Variants in AMDHD1 observed in about 807,000 individuals in gnomAD.
AMDHD1 encodes probable imidazolonepropionase.
AMDHD1 carries 45 observed loss-of-function variants against 44.1 expected under a neutral mutation model. The ratio of observed to expected loss-of-function variants is 1.02; its 90% CI spans 0.80 to 1.31. AMDHD1 has a LOEUF of 1.31. AMDHD1 is among the 50% of genes most tolerant of loss of function. The probability of loss-of-function intolerance (pLI) is 0.00; values close to 1 mark genes in which losing one functional copy is unlikely to be tolerated. For missense variants in AMDHD1, 586 were observed against 552.1 expected (o/e 1.06, Z -0.61); for synonymous variants, 206 against 205.0 (o/e 1.00, Z -0.04).
At chr12:95,962,296 C>G in intron 5 of AMDHD1, 59 bp from the exon 6 acceptor site, 1 of 1,569,036 alleles carries the variant, frequency 6.4e-7, no homozygotes. Context: ...TTTAATGGAA[C>G]TTCATGGATT....
chr12:95,943,613 G>C, intron 1 of AMDHD1, 78 bp downstream of exon 1: 1 of 1,368,826 alleles, frequency 7.3e-7, no homozygotes, highest in Non-Finnish European at 9.4e-7. Flanking sequence ...CACTCTGGAG[G>C]GAAACAACGC....
chr12:95,967,767 T>C lies in AMDHD1; in HGVS notation c.1205T>C (p.Leu402Ser). The C allele has an allele frequency of 6.3e-7, 1 of 1,578,690 alleles. No individual in the cohort carries two copies. Among genetic ancestry groups the C allele is most frequent in the Non-Finnish European group, 8.6e-7 (1 of 1,167,168 alleles). Residue 402 changes from leucine (L) to serine (S), a missense_variant, in exon 9 of 9, where the codon TTG (leucine) becomes TCG (serine). Physicochemically the swap from Leu to Ser is moderately radical, Grantham distance 145. Coordinates refer to ENST00000266736, the MANE Select transcript of AMDHD1 (RefSeq NM_152435.3). ...IIINSSRWEH[L>S]IYQFGGHHEL... ...TTTTTTTTTTCTAGATGGGAGCATTTGATTTACCAGTTCGGAGGCCATCAT... is the reference window on the plus strand; with the variant it reads ...TTTTTTTTTTCTAGATGGGAGCATTCGATTTACCAGTTCGGAGGCCATCAT...
intron 3 of AMDHD1, among the ~76,000 whole-genome samples, chr12:95,955,233 A>G (rs2080544326): frequency 6.6e-6 from 1 of 152,190 alleles, no homozygotes; most frequent in African/African-American, 2.4e-5. Flanking sequence ...CCAAATCGCT[A>G]TCTCTAGTAG....
At position 95,968,623 on chromosome 12, in the gene AMDHD1, G is replaced by A. The variant is rs2080624221; in HGVS notation, c.*780G>A. On this transcript the variant is annotated 3_prime_UTR_variant, in exon 9 of 9. Transcript: ENST00000266736. ...GTTGTTTCCTTTCAGCCTGGAAGTA[G>A]ATCAGCAGCGTTGTCTATTAGAGTT... is the stretch of plus-strand genomic sequence containing the variant. The A allele has an allele frequency of 6.6e-6, 1 of 152,220 alleles. No individual in the cohort carries two copies. Among genetic ancestry groups the A allele is most frequent in the African/African-American group, 2.4e-5 (1 of 41,458 alleles). 9.4% of individuals were successfully genotyped at this position (152,220 alleles called of 1,614,324 possible). A position where few individuals can be genotyped will look rare whatever the true frequency, so the allele number is the denominator to read the frequency against.
intron 7 of AMDHD1, 114 bp downstream of exon 7, chr12:95,965,893 T>G: frequency 1.3e-6 from 1 of 776,220 alleles, no homozygotes; most frequent in East Asian, 3.0e-5. Context: ...AATATTTTTC[T>G]GTGAAACAAG....
At chr12:95,964,738 C>T (rs1016265857) in intron 6 of AMDHD1, among the ~76,000 whole-genome samples, 2 of 151,908 alleles carry the variant, frequency 1.3e-5, no homozygotes, top group Non-Finnish European at 1.5e-5. Flanking sequence ...TAAATCTGTC[C>T]TCATTGCTTT....
At chr12:95,953,525 T>C (rs2080534478) in intron 2 of AMDHD1, among the ~76,000 whole-genome samples, 1 of 152,052 alleles carries the variant, frequency 6.6e-6, no homozygotes, top group South Asian at 2.1e-4. Flanking sequence ...TATATAAAAT[T>C]TTTATACTTT....
At chr12:95,963,060 A>G (rs1788243464) in intron 6 of AMDHD1, among the ~76,000 whole-genome samples, 1 of 152,202 alleles carries the variant, frequency 6.6e-6, no homozygotes, top group South Asian at 2.1e-4. Flanking sequence ...GATTCTAACC[A>G]ATATGAGATC....
rs2080619515 is a variant in AMDHD1, at chr12:95,967,793, G to A, written c.1231G>A (p.Glu411Lys). 6.4e-7 allele frequency: 1 copy of A among 1,569,202 alleles called. No individual in the cohort carries two copies. Among genetic ancestry groups the A allele is most frequent in the Non-Finnish European group, 8.6e-7 (1 of 1,157,022 alleles). ...HLIYQFGGHHELIEYVIAKGK... is the reference protein window; with the variant it reads ...HLIYQFGGHHKLIEYVIAKGK... ...GATTTACCAGTTCGGAGGCCATCAT[G>A]AATTAATTGAATATGTTATAGCTAA... Residue 411 changes from glutamate to lysine, a missense_variant, in exon 9 of 9, where the codon GAA becomes AAA. Coordinates refer to ENST00000266736, the MANE Select transcript of AMDHD1 (RefSeq NM_152435.3).
At chr12:95,954,043 A>G (rs773324009) in intron 2 of AMDHD1, among the ~76,000 whole-genome samples, 3 of 152,214 alleles carry the variant, frequency 2.0e-5, no homozygotes, top group Non-Finnish European at 4.4e-5. Flanking sequence ...TTTTGGAAAG[A>G]CACACTTTAC....
chr12:95,962,546 GT>G, intron 6 of AMDHD1, 67 bp downstream of exon 6: 1 of 1,501,944 alleles, frequency 6.7e-7, no homozygotes, highest in Non-Finnish European at 8.9e-7. Flanking sequence ...GACGTCCAAA[GT>G]GCCCAGACAT....
At chr12:95,959,790 C>CTTTTTT (rs63130861) in intron 4 of AMDHD1, among the ~76,000 whole-genome samples, 31 of 67,360 alleles carry the variant, frequency 4.6e-4, no homozygotes, top group Non-Finnish European at 6.3e-4. Context: ...GAAGATTATG[C>CTTTTTT]TTTTTTTTTT....
intron 2 of AMDHD1, among the ~76,000 whole-genome samples, chr12:95,954,053 C>T (rs1165976194): frequency 6.6e-6 from 1 of 152,196 alleles, no homozygotes. Flanking sequence ...ACACACTTTA[C>T]TGAATTGTAC....
chr12:95,948,359 TGG>T (rs1209702709), intron 1 of AMDHD1, among the ~76,000 whole-genome samples: 9 of 31,392 alleles, frequency 2.9e-4, no homozygotes, highest in Admixed American at 6.6e-4. Context: ...GGGAGGGAGG[TGG>T]GGGGGGGTCA....
chr12:95,962,270 A>AAC (rs10649134), intron 5 of AMDHD1, 85 bp from the exon 6 acceptor site: 1,010,135 of 1,530,500 alleles, frequency 0.66, 336,376 homozygotes, highest in East Asian at 0.94. Flanking sequence ...TCTCAAAAAT[A>AAC]AAACAAACAA....
chr12:95,965,759 A>G lies in AMDHD1; in HGVS notation c.1012A>G (p.Asn338Asp). 6.2e-7 allele frequency: 1 copy of G among 1,611,644 alleles called. No homozygotes were observed. The highest frequency in any genetic ancestry group is 1.1e-5 in the South Asian group (1 of 90,704). Reference protein sequence around the residue: ...IVALGSDFNPNAYCFSMPMVM... With the variant: ...IVALGSDFNPDAYCFSMPMVM... ...TGCTCTGGGAAGTGATTTCAACCCC[A>G]ATGCATATTGCTTTTCAATGGTAAT... Residue 338 changes from asparagine to aspartate, a missense_variant, in exon 7 of 9, where the codon AAT (asparagine) becomes GAT (aspartate). Asn to Asp is a conservative substitution (Grantham distance 23). Transcript: ENST00000266736.
At chr12:95,950,362 T>C (rs759957828) in intron 1 of AMDHD1, among the ~76,000 whole-genome samples, 5 of 152,206 alleles carry the variant, frequency 3.3e-5, no homozygotes, top group Non-Finnish European at 7.4e-5. Flanking sequence ...TTTCTTCTGC[T>C]CTTCCACTCT....
intron 1 of AMDHD1, among the ~76,000 whole-genome samples, chr12:95,948,581 C>A (rs1276152719): frequency 1.2e-5 from 1 of 83,730 alleles, no homozygotes; most frequent in African/African-American, 5.0e-5. Flanking sequence ...CCGACCCGTC[C>A]GGGAGGTGAG....
At chr12:95,947,595 GGACAGCCGTGCC>G (rs2080502529) in intron 1 of AMDHD1, among the ~76,000 whole-genome samples, 1 of 65,842 alleles carries the variant, frequency 1.5e-5, no homozygotes, top group Non-Finnish European at 2.8e-5. Flanking sequence ...CCCCCCGCCC[GGACAGCCGTGCC>G]GTCCAGGAGG....
Sources: allele counts gnomAD v4.1 joint callset (sites outside exome capture counted in the v4.1 genomes callset), GRCh38; gene constraint gnomAD v4.1.1; transcripts MANE v1.5; gene names NCBI Gene and HGNC (gene_info 2026-07-23, HGNC 2026-07-21).